The following MAN1A2 variants were observed in gnomAD, a reference collection of about 807,000 sequenced individuals.
MAN1A2 encodes mannosidase alpha class 1A member 2.
In MAN1A2, 26 loss-of-function variants were observed where a neutral mutation model predicts 75.7. The ratio of observed to expected loss-of-function variants is 0.34; its 90% CI spans 0.25 to 0.48. MAN1A2 has a LOEUF of 0.48. Ranked by LOEUF, MAN1A2 falls within the 20% of genes least tolerant of loss-of-function variation. The pLI, the probability that MAN1A2 is intolerant of heterozygous loss-of-function variation, is 0.99. For missense variants in MAN1A2, 562 were observed against 775.5 expected, an observed-to-expected ratio of 0.72 and a Z score of 3.27; for synonymous variants, 247 against 264.6, an observed-to-expected ratio of 0.93 and a Z score of 0.65.
chr1:117,479,123 A>T (rs1382186074), intron 8 of MAN1A2, among the ~76,000 whole-genome samples: 1 of 151,496 alleles, frequency 6.6e-6, no homozygotes, highest in Non-Finnish European at 1.5e-5. Context: ...TCCCCCATGT[A>T]TCCATGTGTT....
intron 5 of MAN1A2, among the ~76,000 whole-genome samples, chr1:117,439,391 A>C (rs1445351506): frequency 6.6e-6 from 1 of 152,174 alleles, no homozygotes; most frequent in African/African-American, 2.4e-5. Context: ...TTAGTAACTT[A>C]AGTACTCTAA....
intron 12 of MAN1A2, among the ~76,000 whole-genome samples, chr1:117,508,689 A>G (rs1339418195): frequency 6.6e-6 from 1 of 151,652 alleles, no homozygotes; most frequent in Admixed American, 6.6e-5. Context: ...CACATCCACA[A>G]TAGTATCATG....
chr1:117,502,994 A>G, intron 12 of MAN1A2, 24 bp downstream of exon 12: 2 of 1,259,318 alleles, frequency 1.6e-6, no homozygotes, highest in Admixed American at 4.2e-5. Context: ...TTTAAAAAAT[A>G]TTTTTATACT....
chr1:117,447,291 T>C (rs1649266590), intron 6 of MAN1A2, among the ~76,000 whole-genome samples: 1 of 152,142 alleles, frequency 6.6e-6, no homozygotes, highest in South Asian at 2.1e-4. Context: ...TATAATCTCA[T>C]TATTTTTAAG....
At chr1:117,516,237 G>A (rs1445437888) in intron 12 of MAN1A2, among the ~76,000 whole-genome samples, 1 of 151,978 alleles carries the variant, frequency 6.6e-6, no homozygotes, top group Non-Finnish European at 1.5e-5. Context: ...GATGAAACTA[G>A]AACCCCAAAG....
At chr1:117,395,095 A>G (rs1214315101) in intron 1 of MAN1A2, among the ~76,000 whole-genome samples, 1 of 152,212 alleles carries the variant, frequency 6.6e-6, no homozygotes, top group East Asian at 1.9e-4. Context: ...GTTCACACGT[A>G]TGAATTCTGC....
chr1:117,428,227 A>G (rs1414455616), intron 5 of MAN1A2, among the ~76,000 whole-genome samples: 2 of 151,360 alleles, frequency 1.3e-5, no homozygotes, highest in Non-Finnish European at 1.5e-5. Flanking sequence ...TGATCCTTGC[A>G]CCTCAGCTTC....
At position 117,483,155 on chromosome 1, in the gene MAN1A2, T is replaced by G. The variant is rs550115176; in HGVS notation, c.1169-9992T>G. Among the ~76,000 whole-genome samples the G allele has an allele frequency of 6.1e-4, 93 of 152,256 alleles. No individual in the cohort carries two copies. In the South Asian group the frequency reaches 0.019, roughly 31 times the overall value. Reference sequence around the variant, plus strand: ...TGGTTACTGTAGCCTTATAGTATAGTTTGAAGTCAGGTAGCGTGATGTCTC... The same window carrying G: ...TGGTTACTGTAGCCTTATAGTATAGGTTGAAGTCAGGTAGCGTGATGTCTC... On this transcript the variant is annotated intron_variant, in intron 8 of 12. Coordinates refer to ENST00000356554, the MANE Select transcript of MAN1A2 (RefSeq NM_006699.5).
intron 12 of MAN1A2, among the ~76,000 whole-genome samples, chr1:117,508,492 T>C (rs1414889027): frequency 2.0e-5 from 3 of 151,610 alleles, no homozygotes; most frequent in Non-Finnish European, 4.4e-5. Flanking sequence ...ACTTTGAATA[T>C]AGTAAAATTC....
chr1:117,374,230 G>C (rs1041212596), intron 1 of MAN1A2, among the ~76,000 whole-genome samples: 1 of 152,088 alleles, frequency 6.6e-6, no homozygotes, highest in East Asian at 1.9e-4. Context: ...CCAGGAGTTC[G>C]AGGGTGTAGT....
intron 10 of MAN1A2, among the ~76,000 whole-genome samples, chr1:117,498,442 A>G (rs535389614): frequency 2.6e-5 from 4 of 152,020 alleles, no homozygotes; most frequent in African/African-American, 9.6e-5. Flanking sequence ...GGGAACAGCC[A>G]TTATATGCCA....
At chr1:117,429,945 C>T (rs1648551233) in intron 5 of MAN1A2, among the ~76,000 whole-genome samples, 1 of 79,346 alleles carries the variant, frequency 1.3e-5, no homozygotes, top group Non-Finnish European at 2.7e-5. Context: ...GCAGAGGCGC[C>T]CCTCACCTCC....
chr1:117,475,907 A>G (rs936140623), intron 8 of MAN1A2, among the ~76,000 whole-genome samples: 4 of 152,144 alleles, frequency 2.6e-5, no homozygotes, highest in Admixed American at 2.0e-4. Flanking sequence ...GTCAAATGGT[A>G]TCTCTGGTTC....
At chr1:117,522,176 A>T (rs1375171093) in intron 12 of MAN1A2, among the ~76,000 whole-genome samples, 1 of 151,930 alleles carries the variant, frequency 6.6e-6, no homozygotes, top group Non-Finnish European at 1.5e-5. Flanking sequence ...CCAGTAACTT[A>T]TGGAAAAAAA....
intron 9 of MAN1A2, chr1:117,493,981 T>TA (rs1052857653): frequency 2.6e-5 from 4 of 152,002 alleles, no homozygotes; most frequent in African/African-American, 9.7e-5. Context: ...ACAACACACT[T>TA]ATATAGTATT....
intron 12 of MAN1A2, among the ~76,000 whole-genome samples, chr1:117,513,078 A>G (rs753012824): frequency 1.3e-5 from 2 of 152,142 alleles, no homozygotes; most frequent in African/African-American, 2.4e-5. Context: ...TACTTGATGC[A>G]TGGAATATTT....
chr1:117,402,819 A>G (rs1430313095), intron 2 of MAN1A2, among the ~76,000 whole-genome samples: 1 of 152,092 alleles, frequency 6.6e-6, no homozygotes, highest in African/African-American at 2.4e-5. Flanking sequence ...TCACCTCATA[A>G]ACATGCTTCT....
In MAN1A2 at chr1:117,454,765, G is replaced by C. The variant is rs537223257; in HGVS notation, c.951-5724G>C. 1.4e-4 allele frequency among the ~76,000 whole-genome samples: 22 copies of C among 152,198 alleles called. No individual in the cohort carries two copies. In the South Asian group the frequency reaches 4.6e-3, roughly 32 times the overall value. ...AGCAAAAATAATAACTCGCATAGTG[G>C]GGCCTATAGTATACATAGGAGAAAA... is the stretch of plus-strand genomic sequence containing the variant. On this transcript the variant is annotated intron_variant, in intron 6 of 12. Transcript: ENST00000356554.
chr1:117,401,533 C>T (rs963431927), intron 1 of MAN1A2, among the ~76,000 whole-genome samples: 3 of 152,064 alleles, frequency 2.0e-5, no homozygotes, highest in African/African-American at 4.8e-5. Context: ...GGGTGGAAAA[C>T]GGTGTAGGTG....
Sources: gnomAD v4.1 joint callset for allele counts (sites outside exome capture counted in the v4.1 genomes callset) on GRCh38, gnomAD v4.1.1 for gene constraint, MANE v1.5 for transcripts, NCBI Gene and HGNC (gene_info 2026-07-23, HGNC 2026-07-21) for gene names.